The following RBM47 variants were observed in gnomAD, a reference collection of about 807,000 sequenced individuals.
The protein encoded by RBM47 is RNA binding motif protein 47, also known as RNA-binding protein 47.
In RBM47, 21 loss-of-function variants were observed where a neutral mutation model predicts 47.1. The ratio of observed to expected loss-of-function variants is 0.45; its 90% CI spans 0.32 to 0.64. The LOEUF is 0.64. Among genes scored for constraint, RBM47 ranks in the 30% least tolerant of loss-of-function variants. RBM47 has a pLI of 0.05. For missense variants in RBM47, 708 were observed against 870.9 expected, an observed-to-expected ratio of 0.81 and a Z score of 2.35; for synonymous variants, 375 against 361.7, an observed-to-expected ratio of 1.04 and a Z score of -0.42.
chr4:40,573,361 A>G (rs2154269214), intron 1 of RBM47, among the ~76,000 whole-genome samples: 1 of 151,948 alleles, frequency 6.6e-6, no homozygotes, highest in African/African-American at 2.4e-5. Context: ...TGTTAATTTT[A>G]TAATTAGCTT....
chr4:40,552,458 T>C (rs1729654365), intron 1 of RBM47, among the ~76,000 whole-genome samples: 1 of 152,118 alleles, frequency 6.6e-6, no homozygotes, highest in Non-Finnish European at 1.5e-5. Flanking sequence ...ATGGGCTCTG[T>C]ATTTCAACTA....
chr4:40,540,657 T>TAA (rs1728439836), intron 2 of RBM47, among the ~76,000 whole-genome samples: 1 of 104,614 alleles, frequency 9.6e-6, no homozygotes, highest in Non-Finnish European at 1.7e-5. Context: ...AAAAAAATAA[T>TAA]AATAATAATA....
At chr4:40,554,204 T>G (rs1729853353) in intron 1 of RBM47, among the ~76,000 whole-genome samples, 1 of 152,108 alleles carries the variant, frequency 6.6e-6, no homozygotes, top group Non-Finnish European at 1.5e-5. Context: ...ACTGTCCCAA[T>G]GATAACTTCC....
intron 2 of RBM47, among the ~76,000 whole-genome samples, chr4:40,496,387 T>G (rs1354997068): frequency 6.6e-6 from 1 of 151,656 alleles, no homozygotes; most frequent in Non-Finnish European, 1.5e-5. Context: ...CCTAGAATCT[T>G]TGTAGGGTCC....
chr4:40,427,465 A>T (rs1222127974), intron 6 of RBM47: 2 of 152,350 alleles, frequency 1.3e-5, no homozygotes, highest in South Asian at 2.1e-4. Flanking sequence ...AACAAACAGG[A>T]GTATGAATGG....
At chr4:40,542,290 C>T (rs1462849429) in intron 2 of RBM47, among the ~76,000 whole-genome samples, 1 of 152,128 alleles carries the variant, frequency 6.6e-6, no homozygotes, top group African/African-American at 2.4e-5. Context: ...GCCTCTCCCT[C>T]TCCCTTTCCC....
chr4:40,526,761 G>C (rs1273542185), intron 2 of RBM47, among the ~76,000 whole-genome samples: 1 of 140,210 alleles, frequency 7.1e-6, no homozygotes, highest in South Asian at 2.4e-4. Flanking sequence ...TAGAGACAGG[G>C]TCTCTCACTG....
intron 2 of RBM47, among the ~76,000 whole-genome samples, chr4:40,507,845 A>C (rs1230325063): frequency 6.6e-6 from 1 of 152,126 alleles, no homozygotes; most frequent in Non-Finnish European, 1.5e-5. Context: ...AGGGAAAAAG[A>C]GACAAAATGA....
chr4:40,535,371 C>CTTTTTTTTTTTTTTTTTTTTTTTTTTTTT (rs1177127352), intron 2 of RBM47, among the ~76,000 whole-genome samples: 4 of 103,436 alleles, frequency 3.9e-5, no homozygotes, highest in African/African-American at 8.7e-5. Context: ...TATGGTATTT[C>CTTTTTTTTTTTTTTTTTTTTTTTTTTTTT]TTTTTTTTTT....
chr4:40,485,268 A>C (rs1191065201), intron 2 of RBM47, among the ~76,000 whole-genome samples: 1 of 152,220 alleles, frequency 6.6e-6, no homozygotes, highest in East Asian at 1.9e-4. Flanking sequence ...GTCATAAGAT[A>C]ATTTAATTTA....
chr4:40,563,907 A>G (rs1730857835), intron 1 of RBM47, among the ~76,000 whole-genome samples: 1 of 152,216 alleles, frequency 6.6e-6, no homozygotes, highest in South Asian at 2.1e-4. Context: ...GCAAAAATGT[A>G]AAAAAGAAAG....
At chr4:40,556,423 C>A (rs1454475612) in intron 1 of RBM47, among the ~76,000 whole-genome samples, 3 of 151,982 alleles carry the variant, frequency 2.0e-5, no homozygotes, top group Non-Finnish European at 2.9e-5. Context: ...TGCCTGTAAT[C>A]CCAGCACTTT....
At chr4:40,507,576 C>G (rs1724288579) in intron 2 of RBM47, among the ~76,000 whole-genome samples, 1 of 152,162 alleles carries the variant, frequency 6.6e-6, no homozygotes, top group Admixed American at 6.5e-5. Flanking sequence ...ATCATGAAGT[C>G]AGGAATTCAA....
chr4:40,605,996 G>A (rs1170840552), intron 1 of RBM47, among the ~76,000 whole-genome samples: 3 of 151,226 alleles, frequency 2.0e-5, no homozygotes, highest in Non-Finnish European at 4.4e-5. Flanking sequence ...TCAGGAATTC[G>A]AGACCAGCCT....
chr4:40,533,359 G>T (rs1373518238), intron 2 of RBM47, among the ~76,000 whole-genome samples: 1 of 151,530 alleles, frequency 6.6e-6, no homozygotes, highest in Non-Finnish European at 1.5e-5. Flanking sequence ...ACTTGAACTC[G>T]GGAGGCAGAA....
chr4:40,452,637 T>C (rs1051825267), intron 3 of RBM47, among the ~76,000 whole-genome samples: 4 of 152,020 alleles, frequency 2.6e-5, no homozygotes, highest in African/African-American at 4.8e-5. Flanking sequence ...CCAGGTCAAA[T>C]CTACCGTCTA....
intron 1 of RBM47, among the ~76,000 whole-genome samples, chr4:40,546,058 A>T (rs995496312): frequency 2.0e-5 from 3 of 152,180 alleles, no homozygotes; most frequent in Admixed American, 2.0e-4. Context: ...GTTAGTTTTA[A>T]ATGTTCCTTC....
rs537936777 is a variant in RBM47 at position 40,503,710 on chromosome 4, C to CT, written c.-154-37012dup. The stretch of plus-strand genomic sequence containing the variant: ...AAACTCATGGAAAGCATGGAAGAGC[C>CT]TAAGAGGGGGGAGAGAAGAATATAT... On this transcript the variant is annotated intron_variant, in intron 2 of 6. Coordinates refer to ENST00000295971, the MANE Select transcript of RBM47 (RefSeq NM_001098634.2). 9.8e-3 allele frequency among the ~76,000 whole-genome samples: 1,494 copies of CT among 151,880 alleles called. 30 individuals are homozygous for CT. The highest frequency in any genetic ancestry group is 0.034 in the African/African-American group (1,411 of 41,406).
chr4:40,441,162 G>A (rs1256356490), intron 3 of RBM47, among the ~76,000 whole-genome samples: 1 of 150,740 alleles, frequency 6.6e-6, no homozygotes, highest in Non-Finnish European at 1.5e-5. Flanking sequence ...AGTGGCTTGT[G>A]CCTGTAATCC....
Sources: gnomAD v4.1 joint callset for allele counts (sites outside exome capture counted in the v4.1 genomes callset) on GRCh38, gnomAD v4.1.1 for gene constraint, MANE v1.5 for transcripts, NCBI Gene and HGNC (gene_info 2026-07-23, HGNC 2026-07-21) for gene names.